CTNNA2: variants seen among roughly 807,000 people sequenced by gnomAD.
The protein encoded by CTNNA2 is catenin alpha-2.
CTNNA2 carries 42 observed loss-of-function variants against 101.0 expected under a neutral mutation model. The observed-to-expected ratio is 0.42, with a 90% CI of 0.32 to 0.54. The LOEUF is 0.54. Among genes scored for constraint, CTNNA2 ranks in the 20% least tolerant of loss-of-function variants. The pLI is 0.14. For missense variants in CTNNA2, 871 were observed against 1,223.1 expected (o/e 0.71, Z 4.29); for synonymous variants, 450 against 456.4 (o/e 0.99, Z 0.18).
intron 4 of CTNNA2, among the ~76,000 whole-genome samples, chr2:79,413,569 A>C (rs1476383775): frequency 6.6e-6 from 1 of 151,980 alleles, no homozygotes; most frequent in Non-Finnish European, 1.5e-5. Flanking sequence ...ATTTCTTTGG[A>C]TATATACCTA....
At chr2:80,052,406 A>C (rs900398791) in intron 7 of CTNNA2, among the ~76,000 whole-genome samples, 1 of 152,264 alleles carries the variant, frequency 6.6e-6, no homozygotes, top group Non-Finnish European at 1.5e-5. Flanking sequence ...CTTAGATGTC[A>C]TATAGCTACT....
intron 7 of CTNNA2, among the ~76,000 whole-genome samples, chr2:80,386,464 A>G (rs1677010868): frequency 1.3e-5 from 2 of 152,228 alleles, no homozygotes; most frequent in South Asian, 4.1e-4. Flanking sequence ...GGTTCTATAA[A>G]TAATGGTGCT....
In CTNNA2 at chr2:79,217,455, G is replaced by A. The variant is rs534013674; in HGVS notation, c.-406+19379G>A. Among the ~76,000 whole-genome samples, 18 of 152,128 alleles carry A rather than the reference G, an allele frequency of 1.2e-4. No homozygotes were observed. The South Asian group carries it at 2.7e-3, about 23-fold the overall frequency. ...GGGGCCGTTTTATAAGATTTGGGTA[G>A]GTAAAGGAAAATTACAGTCAAAGGG... On this transcript the variant is annotated intron_variant, in intron 2 of 21. Transcript: ENST00000466387.
intron 2 of CTNNA2, among the ~76,000 whole-genome samples, chr2:79,215,876 A>G (rs944204608): frequency 3.9e-5 from 6 of 152,054 alleles, no homozygotes; most frequent in Non-Finnish European, 5.9e-5. Context: ...ATTATGACCT[A>G]GCTCGGCCTT....
chr2:79,372,552 A>C (rs558258219), intron 3 of CTNNA2, among the ~76,000 whole-genome samples: 22 of 152,324 alleles, frequency 1.4e-4, no homozygotes, highest in Middle Eastern at 6.8e-3. Context: ...AATTGAAAGA[A>C]AACTAAAAGA....
chr2:80,119,069 G>A (rs937466606), intron 7 of CTNNA2, among the ~76,000 whole-genome samples: 8 of 152,184 alleles, frequency 5.3e-5, no homozygotes, highest in African/African-American at 2.4e-5. Flanking sequence ...CCAGAAGCCC[G>A]AAAGTGGGCA....
chr2:80,138,337 T>A (rs916007032), intron 7 of CTNNA2, among the ~76,000 whole-genome samples: 1 of 152,158 alleles, frequency 6.6e-6, no homozygotes, highest in Non-Finnish European at 1.5e-5. Context: ...TGTTTGGGGA[T>A]AAATGTTGAT....
chr2:80,077,086 G>A (rs1698806464), intron 7 of CTNNA2, among the ~76,000 whole-genome samples: 1 of 152,038 alleles, frequency 6.6e-6, no homozygotes, highest in Admixed American at 6.6e-5. Context: ...TCACTAACAT[G>A]ACTAAAGTTA....
chr2:79,234,473 C>A (rs1310180517), intron 2 of CTNNA2, among the ~76,000 whole-genome samples: 1 of 152,052 alleles, frequency 6.6e-6, no homozygotes, highest in Admixed American at 6.6e-5. Context: ...AAGATTTTTT[C>A]TTTTGCCTTG....
chr2:80,053,341 G>A (rs1697000324), intron 7 of CTNNA2, among the ~76,000 whole-genome samples: 1 of 152,148 alleles, frequency 6.6e-6, no homozygotes, highest in Non-Finnish European at 1.5e-5. Flanking sequence ...GAAAATGCCG[G>A]TAAATAATGG....
At chr2:80,289,331 G>A (rs766693721) in intron 7 of CTNNA2, 2 of 152,168 alleles carry the variant, frequency 1.3e-5, no homozygotes, top group Non-Finnish European at 2.9e-5. Flanking sequence ...GACTAACAGA[G>A]AGGGTGCTAT....
intron 4 of CTNNA2, among the ~76,000 whole-genome samples, chr2:79,455,668 C>T (rs1670813931): frequency 6.6e-6 from 1 of 152,108 alleles, no homozygotes; most frequent in Non-Finnish European, 1.5e-5. Flanking sequence ...GGACCTTGAC[C>T]CACTTGGGGT....
At chr2:80,279,738 C>T (rs1573583626) in intron 7 of CTNNA2, among the ~76,000 whole-genome samples, 1 of 152,100 alleles carries the variant, frequency 6.6e-6, no homozygotes, top group Non-Finnish European at 1.5e-5. Flanking sequence ...TTGAAATGTT[C>T]CTTGCCCAAG....
At chr2:80,003,717 C>T (rs932544967) in intron 7 of CTNNA2, among the ~76,000 whole-genome samples, 8 of 152,134 alleles carry the variant, frequency 5.3e-5, no homozygotes, top group South Asian at 4.1e-4. Context: ...GCTCTGCCCA[C>T]GCTGGTTGGT....
At position 80,303,836 on chromosome 2, in the gene CTNNA2, A is replaced by T; in HGVS notation, c.1057-89375A>T. On this transcript the variant is annotated intron_variant, in intron 7 of 18. Transcript: ENST00000402739. The surrounding 1 kb of genome is among the most constrained non-coding windows in gnomAD (Gnocchi z 7.7). ...GAAATCCATTAGCGAGAATCTTTCCAGAGAGACTGGAGAATGTCCATTGGA... is the reference window on the plus strand; with the variant it reads ...GAAATCCATTAGCGAGAATCTTTCCTGAGAGACTGGAGAATGTCCATTGGA... 6.7e-7 allele frequency: 1 copy of T among 1,499,894 alleles called. No homozygotes were observed. Among genetic ancestry groups the T allele is most frequent in the Non-Finnish European group, 8.9e-7 (1 of 1,124,136 alleles). 92.9% of individuals were successfully genotyped at this position (1,499,894 alleles called of 1,614,324 possible).
intron 7 of CTNNA2, among the ~76,000 whole-genome samples, chr2:80,275,762 A>G (rs1661977837): frequency 6.6e-6 from 1 of 152,190 alleles, no homozygotes; most frequent in Non-Finnish European, 1.5e-5. Flanking sequence ...AAACGGAAAA[A>G]TAATCTAAAT....
At chr2:80,385,892 G>A (rs1676950825) in intron 7 of CTNNA2, among the ~76,000 whole-genome samples, 1 of 152,110 alleles carries the variant, frequency 6.6e-6, no homozygotes, top group Non-Finnish European at 1.5e-5. Flanking sequence ...TGATTCTACT[G>A]CTGATTCTCA....
rs984433769 is a variant in CTNNA2 at position 79,569,612 on chromosome 2, A to G, written c.-6+56405A>G. ...ATCTGTCAGGTCTTACCACAGCAGC[A>G]ATGTAGGACTTGATACCAGCGCCAA... On this transcript the variant is annotated intron_variant, in intron 1 of 18. Coordinates refer to ENST00000402739, the MANE Select transcript of CTNNA2 (RefSeq NM_001282597.3). Among the ~76,000 whole-genome samples the G allele has an allele frequency of 2.0e-5, 3 of 152,154 alleles. No homozygotes were observed. In the East Asian group the frequency reaches 5.8e-4, roughly 29 times the overall value.
intron 9 of CTNNA2, among the ~76,000 whole-genome samples, chr2:80,490,864 A>G (rs1211084487): frequency 6.6e-6 from 1 of 152,162 alleles, no homozygotes; most frequent in Non-Finnish European, 1.5e-5. Flanking sequence ...AAATATATTT[A>G]TTTGGTTTTA....
Sources: gnomAD v4.1 joint callset for allele counts (sites outside exome capture counted in the v4.1 genomes callset) on GRCh38, gnomAD v4.1.1 for gene constraint, Gnocchi (gnomAD v3.1) non-coding constraint, MANE v1.5 for transcripts, NCBI Gene and HGNC (gene_info 2026-07-23, HGNC 2026-07-21) for gene names.